The following TNC variants were observed in gnomAD, a reference collection of about 807,000 sequenced individuals.
TNC encodes the protein tenascin C.
A neutral mutation model predicts 202.4 loss-of-function variants in TNC; 109 were observed. That is an observed-to-expected ratio of 0.54 (90% CI 0.46 to 0.63). The LOEUF is 0.63. Ranked by LOEUF, TNC falls within the 30% of genes least tolerant of loss-of-function variation. The probability of loss-of-function intolerance (pLI) is 0.00; values close to 1 mark genes in which losing one functional copy is unlikely to be tolerated. For missense variants in TNC, 2,756 were observed against 2,833.3 expected (o/e 0.97, Z 0.62); for synonymous variants, 1,007 against 1,089.7 (o/e 0.92, Z 1.50).
chr9:115,117,739 A>C (rs1837572342), intron 1 of TNC, among the ~76,000 whole-genome samples: 1 of 152,226 alleles, frequency 6.6e-6, no homozygotes, highest in Admixed American at 6.5e-5. Context: ...GCAGAAGATA[A>C]CAACTTTACG....
At chr9:115,065,018 A>C (rs2132681952) in intron 10 of TNC, 99 bp from the exon 11 acceptor site, 2 of 1,391,320 alleles carry the variant, frequency 1.4e-6, no homozygotes, top group Non-Finnish European at 2.0e-6. Flanking sequence ...TCTATAGGCC[A>C]TTGCAGTCCA....
Position 115,090,552 on chromosome 9 carries a change from C to A in TNC, c.457+10G>T. On this transcript the variant is annotated intron_variant, in intron 2 of 27. Transcript: ENST00000350763. ...CACAGTGTGGGACTGGGCGGGCCAC[C>A]AGCTCATACCTGTGGCAGGCTGGAG... 1 of 1,552,710 alleles carries A rather than the reference C, an allele frequency of 6.4e-7. No individual in the cohort carries two copies. Among genetic ancestry groups the A allele is most frequent in the Non-Finnish European group, 8.7e-7 (1 of 1,148,260 alleles).
In TNC at chr9:115,036,203, C is replaced by CAGT. The variant is rs1325410504; in HGVS notation, c.5550_5551insACT (p.Val1850_Glu1851insThr). On this transcript the variant is annotated inframe_insertion, in exon 21 of 28. Transcript: ENST00000350763. ...GGCTCGAGGTCGGTCAGAGCATACT[C>CAGT]CACTGTGTTCCCGGACACCGTGCGT... 6.2e-7 allele frequency: 1 copy of CAGT among 1,614,048 alleles called. No homozygotes were observed. Among genetic ancestry groups the CAGT allele is most frequent in the Admixed American group, 1.7e-5 (1 of 60,012 alleles).
At chr9:115,117,830 T>C (rs1837581028) in intron 1 of TNC, among the ~76,000 whole-genome samples, 152 bp downstream of exon 1, 1 of 151,282 alleles carries the variant, frequency 6.6e-6, no homozygotes, top group Non-Finnish European at 1.5e-5. Flanking sequence ...GTGCATCTGA[T>C]ATAACCAATA....
chr9:115,046,706 A>AGAAGGAGG (rs1202286034), intron 16 of TNC, 24 bp from the exon 17 acceptor site: 2 of 1,610,260 alleles, frequency 1.2e-6, no homozygotes, highest in Non-Finnish European at 1.7e-6. Context: ...AAATGGTGGG[A>AGAAGGAGG]GAAGGAGGAA....
chr9:115,020,875 A>C lies in TNC; in HGVS notation c.*282T>G. The C allele has an allele frequency of 2.5e-6, 1 of 396,090 alleles. No homozygotes were observed. Among genetic ancestry groups the C allele is most frequent in the South Asian group, 3.6e-5 (1 of 28,034 alleles). 24.5% of individuals were successfully genotyped at this position (396,090 alleles called of 1,614,324 possible). A position where few individuals can be genotyped will look rare whatever the true frequency, so the allele number is the denominator to read the frequency against. The stretch of plus-strand genomic sequence containing the variant: ...TCTCCCATTCCCAGAGCCACCTAAG[A>C]GAAGTAAAAAACTATTGCGATGTTG... On this transcript the variant is annotated 3_prime_UTR_variant, in exon 28 of 28. Transcript: ENST00000350763.
Position 115,029,514 on chromosome 9 carries a change from G to A in TNC, c.6073-58C>T, listed in dbSNP as rs567833428. 5.4e-5 allele frequency: 81 copies of A among 1,504,984 alleles called. 1 individual carries two copies. The highest frequency in any genetic ancestry group is 4.5e-5 in the South Asian group (4 of 88,672). 93.2% of individuals were successfully genotyped at this position (1,504,984 alleles called of 1,614,324 possible). A position where few individuals can be genotyped will look rare whatever the true frequency, so the allele number is the denominator to read the frequency against. On this transcript the variant is annotated intron_variant, in intron 24 of 27. Coordinates refer to ENST00000350763, the MANE Select transcript of TNC (RefSeq NM_002160.4). ...AAGCTATTGCAGGAAAGAGGGCATC[G>A]TTGTGAGAGGAAGGAGTGTGGCACT... is the stretch of plus-strand genomic sequence containing the variant.
rs368041702 is a variant in TNC at position 115,087,244 on chromosome 9, C to G, written c.487G>C (p.Gly163Arg). The change falls in exon 3 of 28, where the codon GGT becomes CGT. Residue 163 changes from glycine (G) to arginine (R), a missense_variant. Gly to Arg is a moderately radical substitution (Grantham distance 125). Coordinates refer to ENST00000350763, the MANE Select transcript of TNC (RefSeq NM_002160.4). ...GRLDTRPFCSGRGNFSTEGCG... is the reference protein window; with the variant it reads ...GRLDTRPFCSRRGNFSTEGCG... Reference sequence around the variant, plus strand: ...CCTTCAGTGCTGAAGTTGCCCCGACCGCTACAGAAGGGCCTGGTGTCCAAG... The same window carrying G: ...CCTTCAGTGCTGAAGTTGCCCCGACGGCTACAGAAGGGCCTGGTGTCCAAG... The G allele has an allele frequency of 2.5e-6, 4 of 1,614,094 alleles. No homozygotes were observed. In the East Asian group the frequency reaches 8.9e-5, roughly 36 times the overall value.
chr9:115,050,977 C>G (rs1831603527), intron 15 of TNC, among the ~76,000 whole-genome samples: 1 of 152,116 alleles, frequency 6.6e-6, no homozygotes, highest in Admixed American at 6.5e-5. Context: ...TTTAATTGTA[C>G]TAATTGACAT....
At chr9:115,061,680 A>G (rs1237160309) in intron 13 of TNC, among the ~76,000 whole-genome samples, 1 of 152,246 alleles carries the variant, frequency 6.6e-6, no homozygotes, top group Non-Finnish European at 1.5e-5. Context: ...GGATTGCATT[A>G]TCAAAAGGCA....
At chr9:115,116,336 T>C (rs564963361) in intron 1 of TNC, among the ~76,000 whole-genome samples, 1 of 152,292 alleles carries the variant, frequency 6.6e-6, no homozygotes, top group African/African-American at 2.4e-5. Flanking sequence ...ATTGTGCACC[T>C]TTTTCTTCCC....
intron 1 of TNC, among the ~76,000 whole-genome samples, chr9:115,111,235 C>T (rs565972613): frequency 2.6e-5 from 4 of 152,026 alleles, no homozygotes; most frequent in South Asian, 2.1e-4. Context: ...TACTGCCTCC[C>T]GGCATTCTCA....
intron 2 of TNC, among the ~76,000 whole-genome samples, chr9:115,088,339 C>A (rs1284154459): frequency 1.3e-5 from 2 of 152,194 alleles, no homozygotes; most frequent in African/African-American, 4.8e-5. Flanking sequence ...TTTTCCGCAA[C>A]TAAAATGAGG....
intron 15 of TNC, among the ~76,000 whole-genome samples, chr9:115,052,158 C>T (rs1831733628): frequency 6.6e-6 from 1 of 151,172 alleles, no homozygotes; most frequent in African/African-American, 2.4e-5. Flanking sequence ...TCATTTTCAA[C>T]AACACGGATG....
At position 115,086,111 on chromosome 9, in the gene TNC, A is replaced by G. The variant is rs1292418633; in HGVS notation, c.1620T>C (p.Gly540=). 3.7e-6 allele frequency: 6 copies of G among 1,612,720 alleles called. No individual in the cohort carries two copies. Among genetic ancestry groups the G allele is most frequent in the Non-Finnish European group, 5.1e-6 (6 of 1,179,358 alleles). Residue 540 remains glycine, a synonymous_variant, in exon 3 of 28, where the codon GGT becomes GGC. Coordinates refer to ENST00000350763, the MANE Select transcript of TNC (RefSeq NM_002160.4). ...ACACGCACTGCCCATTCACACAGCG[A>G]CCCTGGCCATGGCAGTCATTTGGAC... is the stretch of plus-strand genomic sequence containing the variant. ...LSCPNDCHGQ[G]RCVNGQCVCH...
intron 1 of TNC, among the ~76,000 whole-genome samples, chr9:115,111,163 G>T (rs1158948945): frequency 1.3e-5 from 2 of 152,176 alleles, no homozygotes; most frequent in Non-Finnish European, 2.9e-5. Context: ...GAGGTTGCCA[G>T]AAATTGGTGA....
intron 27 of TNC, among the ~76,000 whole-genome samples, chr9:115,021,722 G>A (rs543351126): frequency 4.6e-5 from 7 of 152,264 alleles, no homozygotes; most frequent in Admixed American, 2.6e-4. Context: ...ATAGCAGAAC[G>A]AACAGCTCAA....
chr9:115,103,485 C>A (rs1836390387), intron 1 of TNC, among the ~76,000 whole-genome samples: 1 of 152,110 alleles, frequency 6.6e-6, no homozygotes, highest in African/African-American at 2.4e-5. Flanking sequence ...ACAGGAAGTG[C>A]AATAAATGGA....
chr9:115,051,294 C>T (rs189930566), intron 15 of TNC, among the ~76,000 whole-genome samples: 3 of 152,208 alleles, frequency 2.0e-5, no homozygotes, highest in East Asian at 3.9e-4. Flanking sequence ...GTTGAACCTT[C>T]ATCAATCTTC....
Sources: gnomAD v4.1 joint callset for allele counts (sites outside exome capture counted in the v4.1 genomes callset) on GRCh38, gnomAD v4.1.1 for gene constraint, MANE v1.5 for transcripts, NCBI Gene and HGNC (gene_info 2026-07-23, HGNC 2026-07-21) for gene names.